The following RASA3 variants were observed in gnomAD, a reference collection of about 807,000 sequenced individuals.
The protein encoded by RASA3 is ras GTPase-activating protein 3.
In RASA3, 73 loss-of-function variants were observed where a neutral mutation model predicts 110.0. The ratio of observed to expected loss-of-function variants is 0.66; its 90% CI spans 0.55 to 0.81. The LOEUF (loss-of-function observed/expected upper bound fraction) is 0.81, where lower values mean the gene tolerates loss of function less well. Among genes scored for constraint, RASA3 ranks in the 30% least tolerant of loss-of-function variants. RASA3 has a pLI of 0.00. For missense variants in RASA3, 976 were observed against 1,113.2 expected, an observed-to-expected ratio of 0.88 and a Z score of 1.75; for synonymous variants, 500 against 451.4, an observed-to-expected ratio of 1.11 and a Z score of -1.37.
chr13:113,982,782 G>T (rs115274494), intron 22 of RASA3, among the ~76,000 whole-genome samples: 19 of 152,214 alleles, frequency 1.2e-4, no homozygotes, highest in Non-Finnish European at 2.6e-4. Context: ...CTTGTGCAGG[G>T]GATGGGCGTC....
intron 7 of RASA3, among the ~76,000 whole-genome samples, chr13:114,025,752 A>G (rs1203368687): frequency 6.6e-6 from 1 of 152,264 alleles, no homozygotes; most frequent in Non-Finnish European, 1.5e-5. Flanking sequence ...TTATCCTGGA[A>G]GAAAATGGTA....
At chr13:114,073,074 G>T (rs1042472232) in intron 2 of RASA3, among the ~76,000 whole-genome samples, 1 of 150,292 alleles carries the variant, frequency 6.7e-6, no homozygotes, top group African/African-American at 2.5e-5. Flanking sequence ...CTCTACACGC[G>T]GGAAAATGGG....
At chr13:114,121,335 G>A (rs772245211) in intron 1 of RASA3, among the ~76,000 whole-genome samples, 3 of 152,308 alleles carry the variant, frequency 2.0e-5, no homozygotes, top group Middle Eastern at 3.4e-3. Flanking sequence ...AGCCATGTGG[G>A]GTAGAATAAA....
intron 1 of RASA3, among the ~76,000 whole-genome samples, chr13:114,075,799 G>A (rs1330837036): frequency 5.2e-5 from 5 of 95,726 alleles, no homozygotes; most frequent in Admixed American, 4.3e-4. Context: ...GTATCTCTGC[G>A]TGTGGAGGCG....
intron 2 of RASA3, among the ~76,000 whole-genome samples, chr13:114,052,670 TC>T (rs2079164750): frequency 2.6e-5 from 4 of 151,770 alleles, no homozygotes; most frequent in African/African-American, 9.7e-5. Flanking sequence ...CTTAGAGTCC[TC>T]GCTCCTGGGG....
At chr13:114,009,787 A>G (rs1331800983) in intron 16 of RASA3, among the ~76,000 whole-genome samples, 2 of 152,218 alleles carry the variant, frequency 1.3e-5, no homozygotes, top group South Asian at 2.1e-4. Flanking sequence ...TGGGGCCCAG[A>G]TGTGGCTGCC....
intron 22 of RASA3, among the ~76,000 whole-genome samples, chr13:113,991,945 ACACACACT>A (rs2053126250): frequency 6.6e-6 from 1 of 150,590 alleles, no homozygotes; most frequent in Non-Finnish European, 1.5e-5. Context: ...CCATACATTC[ACACACACT>A]CACACACGTC....
intron 21 of RASA3, among the ~76,000 whole-genome samples, chr13:113,993,633 C>A (rs1428367269): frequency 6.6e-6 from 1 of 150,982 alleles, no homozygotes; most frequent in Non-Finnish European, 1.5e-5. Flanking sequence ...CATGGTGAGA[C>A]CCTGTCTCTA....
intron 1 of RASA3, among the ~76,000 whole-genome samples, chr13:114,110,458 ACCGTG>A (rs1314795236): frequency 6.6e-6 from 1 of 152,214 alleles, no homozygotes; most frequent in East Asian, 1.9e-4. Context: ...ACTGGACGGC[ACCGTG>A]CCTGCGGCTG....
At chr13:114,102,981 C>T (rs2080079338) in intron 1 of RASA3, among the ~76,000 whole-genome samples, 1 of 152,150 alleles carries the variant, frequency 6.6e-6, no homozygotes, top group South Asian at 2.1e-4. Flanking sequence ...CCAAACCACC[C>T]CTGCTGCTCG....
Position 114,024,414 on chromosome 13 carries a change from G to A in RASA3, c.604-59C>T. 2.0e-6 allele frequency: 3 copies of A among 1,492,912 alleles called. No homozygotes were observed. The Admixed American group carries it at 5.0e-5, about 25-fold the overall frequency. The allele number at this position is 1,492,912 out of a possible 1,614,324, so 92.5% of individuals were successfully genotyped here. On this transcript the variant is annotated intron_variant, in intron 7 of 23. Coordinates refer to ENST00000334062, the MANE Select transcript of RASA3 (RefSeq NM_007368.4). ...GCGGTGCCACCAGGCGGGGGTATATGCGGACCTAGGCCCCGGGCTGCCCTA... is the reference window on the plus strand; with the variant it reads ...GCGGTGCCACCAGGCGGGGGTATATACGGACCTAGGCCCCGGGCTGCCCTA...
chr13:114,055,549 C>T (rs1369758588), intron 2 of RASA3, among the ~76,000 whole-genome samples: 1 of 152,258 alleles, frequency 6.6e-6, no homozygotes, highest in Admixed American at 6.5e-5. Flanking sequence ...CCTCAGGTGA[C>T]GAGCTACTCA....
intron 4 of RASA3, among the ~76,000 whole-genome samples, chr13:114,038,037 G>A (rs1273893241): frequency 6.6e-6 from 1 of 151,396 alleles, no homozygotes; most frequent in Admixed American, 6.6e-5. Context: ...CTGTTTTGAT[G>A]CCTTCCTATA....
intron 1 of RASA3, among the ~76,000 whole-genome samples, chr13:114,130,941 C>CCG (rs2080510289): frequency 1.3e-5 from 2 of 152,266 alleles, no homozygotes; most frequent in Admixed American, 1.3e-4. Flanking sequence ...CCCCCACGGG[C>CCG]CGCGACCTTT....
At chr13:114,081,681 C>T (rs2139695705) in intron 1 of RASA3, among the ~76,000 whole-genome samples, 1 of 152,284 alleles carries the variant, frequency 6.6e-6, no homozygotes, top group African/African-American at 2.4e-5. Context: ...ACGTGTCCAC[C>T]AGGAGACTGA....
chr13:114,071,133 T>G (rs2079566258), intron 2 of RASA3, among the ~76,000 whole-genome samples: 1 of 152,242 alleles, frequency 6.6e-6, no homozygotes, highest in Non-Finnish European at 1.5e-5. Context: ...TTTGGGTTTT[T>G]TTGAGACAAG....
chr13:114,042,054 A>G (rs1300319148), intron 3 of RASA3, among the ~76,000 whole-genome samples: 1 of 152,228 alleles, frequency 6.6e-6, no homozygotes, highest in Non-Finnish European at 1.5e-5. Flanking sequence ...ATCAGAATAT[A>G]TTTGTACAAT....
At chr13:114,097,773 G>A (rs2079964870) in intron 1 of RASA3, among the ~76,000 whole-genome samples, 1 of 152,242 alleles carries the variant, frequency 6.6e-6, no homozygotes, top group Non-Finnish European at 1.5e-5. Flanking sequence ...AGGGCAAGAG[G>A]CGGGAGAGAG....
At chr13:114,045,480 C>T (rs1427677004) in intron 3 of RASA3, among the ~76,000 whole-genome samples, 2 of 152,218 alleles carry the variant, frequency 1.3e-5, no homozygotes, top group Non-Finnish European at 2.9e-5. Context: ...CAGGACACAA[C>T]TGAGCAAGAG....
Sources: gnomAD v4.1 joint callset for allele counts (sites outside exome capture counted in the v4.1 genomes callset) on GRCh38, gnomAD v4.1.1 for gene constraint, MANE v1.5 for transcripts, NCBI Gene and HGNC (gene_info 2026-07-23, HGNC 2026-07-21) for gene names.